MICAL3: variants seen among roughly 807,000 people sequenced by gnomAD.
MICAL3 encodes the protein [F-actin]-monooxygenase MICAL3.
Under a neutral mutation model 207.4 loss-of-function variants are expected in MICAL3, and 62 were observed. The observed-to-expected ratio is 0.30, with a 90% CI of 0.24 to 0.37. The LOEUF (loss-of-function observed/expected upper bound fraction) is 0.37. MICAL3 is among the 10% of genes least tolerant of loss of function. MICAL3 has a pLI of 1.00. For missense variants in MICAL3, 2,368 were observed against 2,635.6 expected (o/e 0.90, Z 2.22); for synonymous variants, 1,077 against 1,069.3 (o/e 1.01, Z -0.14).
chr22:17,853,114 C>A (rs182490793), intron 19 of MICAL3, among the ~76,000 whole-genome samples: 1 of 152,130 alleles, frequency 6.6e-6, no homozygotes, highest in East Asian at 1.9e-4. Context: ...AATGTAAATC[C>A]TGTGTAGGAC....
chr22:17,930,015 T>G (rs1169161215), intron 1 of MICAL3, among the ~76,000 whole-genome samples: 1 of 152,200 alleles, frequency 6.6e-6, no homozygotes, highest in African/African-American at 2.4e-5. Context: ...GGCAGAAGAT[T>G]TGATCAGGCA....
intron 1 of MICAL3, among the ~76,000 whole-genome samples, chr22:17,946,696 A>G (rs1934084831): frequency 6.6e-6 from 1 of 152,236 alleles, no homozygotes; most frequent in Non-Finnish European, 1.5e-5. Flanking sequence ...AAGATAGAGG[A>G]AAAGCCAATG....
chr22:17,904,894 A>T, intron 2 of MICAL3, 55 bp from the exon 3 acceptor site: 1 of 1,282,934 alleles, frequency 7.8e-7, no homozygotes. Context: ...ACAATTCTCA[A>T]GAAGTCTCAT....
chr22:17,820,636 G>A (rs1921481148), intron 25 of MICAL3, among the ~76,000 whole-genome samples: 1 of 152,128 alleles, frequency 6.6e-6, no homozygotes, highest in African/African-American at 2.4e-5. Flanking sequence ...TTACAGGCGT[G>A]AGCCACCGCG....
chr22:17,872,104 G>A, intron 16 of MICAL3, 81 bp from the exon 17 acceptor site: 2 of 1,256,528 alleles, frequency 1.6e-6, no homozygotes, highest in South Asian at 2.9e-5. Context: ...AGCCTTGCGA[G>A]AGCAAAGCCA....
At chr22:17,967,002 A>G (rs1935171905) in intron 1 of MICAL3, among the ~76,000 whole-genome samples, 1 of 152,166 alleles carries the variant, frequency 6.6e-6, no homozygotes, top group Non-Finnish European at 1.5e-5. Flanking sequence ...CAAATCTGTA[A>G]GTACTTCCTG....
chr22:17,898,273 C>T (rs1931022176), intron 7 of MICAL3, among the ~76,000 whole-genome samples: 1 of 152,252 alleles, frequency 6.6e-6, no homozygotes, highest in South Asian at 2.1e-4. Context: ...TTACTGACAG[C>T]AATGTAACCC....
intron 1 of MICAL3, among the ~76,000 whole-genome samples, chr22:18,010,615 A>T (rs1304002662): frequency 6.6e-6 from 1 of 152,142 alleles, no homozygotes; most frequent in Non-Finnish European, 1.5e-5. Context: ...GTATTCTAAG[A>T]AGTGAGCTTC....
chr22:17,866,063 T>C, intron 17 of MICAL3, 51 bp from the exon 18 acceptor site: 1 of 1,354,808 alleles, frequency 7.4e-7, no homozygotes, highest in Non-Finnish European at 1.1e-6. Context: ...GCACGGATCC[T>C]GAACGTGCCT....
At chr22:17,943,583 C>T (rs897405664) in intron 1 of MICAL3, among the ~76,000 whole-genome samples, 6 of 152,236 alleles carry the variant, frequency 3.9e-5, no homozygotes, top group Admixed American at 2.6e-4. Context: ...AGAAGCCCTC[C>T]TTACTCAAGG....
chr22:17,979,706 CA>C (rs1195656065), intron 1 of MICAL3, among the ~76,000 whole-genome samples: 1 of 151,862 alleles, frequency 6.6e-6, no homozygotes, highest in Admixed American at 6.6e-5. Flanking sequence ...AGCACACCAC[CA>C]ATCAGGCTGA....
intron 19 of MICAL3, among the ~76,000 whole-genome samples, chr22:17,854,927 T>C (rs1256532863): frequency 1.3e-5 from 2 of 152,202 alleles, no homozygotes; most frequent in Non-Finnish European, 2.9e-5. Context: ...GGAAGAAAAC[T>C]GACGGGAGAA....
chr22:17,828,764 G>A (rs948243923), intron 21 of MICAL3, among the ~76,000 whole-genome samples: 2 of 152,348 alleles, frequency 1.3e-5, no homozygotes, highest in African/African-American at 4.8e-5. Context: ...TAAAGGGACA[G>A]CTAGCAACTG....
At position 17,974,721 on chromosome 22, in the gene MICAL3, C is replaced by CT. The variant is rs1230323690; in HGVS notation, c.-75+49559dup. On this transcript the variant is annotated intron_variant, in intron 1 of 31. Transcript: ENST00000441493. ...CCTGGATAACAGAGCAAGACTCCGTCTTAAAAAAAAAAAAAAAAAAAAAAA... is the reference window on the plus strand; with the variant it reads ...CCTGGATAACAGAGCAAGACTCCGTCTTTAAAAAAAAAAAAAAAAAAAAAAA... Among the ~76,000 whole-genome samples, 7 of 101,674 alleles carry CT rather than the reference C, an allele frequency of 6.9e-5. No homozygotes were observed. The South Asian group carries it at 1.3e-3, about 19-fold the overall frequency. The allele number at this position is 101,674 out of a possible 152,430, so 66.7% of individuals were successfully genotyped here.
chr22:17,860,856 G>C, intron 19 of MICAL3: 4 of 985,454 alleles, frequency 4.1e-6, no homozygotes, highest in Non-Finnish European at 4.8e-6. Flanking sequence ...CGGCTCCCCA[G>C]TGTGAGGCTC....
Position 17,900,844 on chromosome 22 carries a change from G to A in MICAL3, c.845C>T (p.Thr282Ile), listed in dbSNP as rs201627568. 6.2e-7 allele frequency: 1 copy of A among 1,613,904 alleles called. No individual in the cohort carries two copies. Among genetic ancestry groups the A allele is most frequent in the Non-Finnish European group, 8.5e-7 (1 of 1,179,838 alleles). ...QKFFQELREA[T>I]GIDLENIVYY... ...GCTCCGGAGACATCAACACCAACCT[G>A]TGGCTTCCCTCAGTTCCTGGAAAAA... is the stretch of plus-strand genomic sequence containing the variant. Residue 282 changes from threonine (T) to isoleucine (I), a missense_variant and splice_region_variant, in exon 6 of 32, where the codon ACA becomes ATA. Coordinates refer to ENST00000441493, the MANE Select transcript of MICAL3 (RefSeq NM_015241.3). This position sits in a 1 kb window ranked among gnomAD's most constrained non-coding sequence, Gnocchi z 4.0.
At chr22:17,867,540 A>G (rs374572430) in intron 17 of MICAL3, among the ~76,000 whole-genome samples, 3 of 152,330 alleles carry the variant, frequency 2.0e-5, no homozygotes, top group South Asian at 2.1e-4. Flanking sequence ...TCCTTCCTCC[A>G]TGAGACTGAC....
Position 17,967,872 on chromosome 22 carries a change from C to G in MICAL3, c.-75+56409G>C, listed in dbSNP as rs937088210. On this transcript the variant is annotated intron_variant, in intron 1 of 31. Coordinates refer to ENST00000441493, the MANE Select transcript of MICAL3 (RefSeq NM_015241.3). ...CCAGCCTGACCAACATGGTGAAACC[C>G]TGTCTACTAAAAATACAAAAATTAG... is the stretch of plus-strand genomic sequence containing the variant. 2.8e-3 allele frequency among the ~76,000 whole-genome samples: 9 copies of G among 3,176 alleles called. No homozygotes were observed. The Admixed American group carries it at 0.031, about 11-fold the overall frequency. The allele number at this position is 3,176 out of a possible 152,430, so 2.1% of individuals were successfully genotyped here. A position where few individuals can be genotyped will look rare whatever the true frequency, so the allele number is the denominator to read the frequency against.
intron 1 of MICAL3, among the ~76,000 whole-genome samples, chr22:17,990,027 A>AG (rs371948136): frequency 7.9e-5 from 12 of 152,238 alleles, no homozygotes; most frequent in African/African-American, 2.9e-4. Flanking sequence ...CCTAAAACCC[A>AG]GGGCAACACA....
Sources: gnomAD v4.1 joint callset for allele counts (sites outside exome capture counted in the v4.1 genomes callset) on GRCh38, gnomAD v4.1.1 for gene constraint, Gnocchi (gnomAD v3.1) non-coding constraint, MANE v1.5 for transcripts, NCBI Gene and HGNC (gene_info 2026-07-23, HGNC 2026-07-21) for gene names.